MAPK8IP3: variants seen among roughly 807,000 people sequenced by gnomAD.
MAPK8IP3 encodes C-Jun-amino-terminal kinase-interacting protein 3.
In MAPK8IP3, 49 loss-of-function variants were observed where a neutral mutation model predicts 157.8. That is an observed-to-expected ratio of 0.31 (90% CI 0.25 to 0.39). MAPK8IP3 has a LOEUF of 0.39. Ranked by LOEUF, MAPK8IP3 falls within the 10% of genes least tolerant of loss-of-function variation. The pLI, the probability that MAPK8IP3 is intolerant of heterozygous loss-of-function variation, is 1.00. For missense variants in MAPK8IP3, 1,478 were observed against 1,889.4 expected, an observed-to-expected ratio of 0.78 and a Z score of 4.04; for synonymous variants, 897 against 777.7, an observed-to-expected ratio of 1.15 and a Z score of -2.55.
chr16:1,729,616 C>G (rs976796945), intron 4 of MAPK8IP3, 38 bp downstream of exon 4: 1 of 1,539,806 alleles, frequency 6.5e-7, no homozygotes, highest in African/African-American at 1.4e-5. Flanking sequence ...ACGCGGGGCG[C>G]GGCGGGGCGG....
intron 19 of MAPK8IP3, 113 bp downstream of exon 19, chr16:1,764,572 A>C (rs2042147441): frequency 7.4e-7 from 1 of 1,358,092 alleles, no homozygotes; most frequent in East Asian, 2.5e-5. Context: ...ACCCGGAAGC[A>C]GGGCAGCGCA....
chr16:1,731,798 T>C (rs1414533435), intron 4 of MAPK8IP3, among the ~76,000 whole-genome samples: 36 of 152,204 alleles, frequency 2.4e-4, no homozygotes, highest in Admixed American at 2.4e-3. Flanking sequence ...CGTACCTGCA[T>C]GTGTACATAT....
chr16:1,768,834 C>T lies in MAPK8IP3; in HGVS notation c.*10C>T. On this transcript the variant is annotated 3_prime_UTR_variant, in exon 32 of 32. Coordinates refer to ENST00000610761, the MANE Select transcript of MAPK8IP3 (RefSeq NM_001318852.2). ...CTACACCCCCGAGTGAAGCTGCTGC[C>T]CTGCCTGGCCCGACCTGTACATAGG... 2.5e-6 allele frequency: 4 copies of T among 1,611,376 alleles called. No homozygotes were observed. The highest frequency in any genetic ancestry group is 3.4e-6 in the Non-Finnish European group (4 of 1,179,622).
intron 5 of MAPK8IP3, chr16:1,745,166 C>G: frequency 1.0e-6 from 1 of 985,360 alleles, no homozygotes; most frequent in Non-Finnish European, 1.2e-6. Context: ...TGACGGAGAG[C>G]TAGGGGAGGC....
At chr16:1,738,405 C>A in intron 4 of MAPK8IP3, among the ~76,000 whole-genome samples, 1 of 85,210 alleles carries the variant, frequency 1.2e-5, no homozygotes, top group African/African-American at 5.3e-5. Context: ...ACCGTGTGAG[C>A]GTCCGTGTGA....
At chr16:1,758,931 T>A (rs757834384) in intron 9 of MAPK8IP3, 47 bp from the exon 10 acceptor site, 10 of 1,610,350 alleles carry the variant, frequency 6.2e-6, no homozygotes, top group Non-Finnish European at 8.5e-6. Flanking sequence ...CTCCCTCTCC[T>A]CCCGCCCTGG....
intron 1 of MAPK8IP3, among the ~76,000 whole-genome samples, chr16:1,719,544 C>G (rs2038376362): frequency 1.3e-5 from 2 of 151,396 alleles, no homozygotes; most frequent in Non-Finnish European, 2.9e-5. Flanking sequence ...CAGAAACAGA[C>G]TAAAATGTAG....
chr16:1,740,431 C>T (rs953372024), intron 4 of MAPK8IP3, among the ~76,000 whole-genome samples: 10 of 148,324 alleles, frequency 6.7e-5, no homozygotes, highest in Non-Finnish European at 1.5e-4. Flanking sequence ...GCTGCCCACA[C>T]CCTCTAACAC....
intron 8 of MAPK8IP3, chr16:1,752,455 C>A: frequency 2.8e-6 from 1 of 351,954 alleles, no homozygotes; most frequent in South Asian, 2.1e-5. Context: ...ATAAGAAAGG[C>A]AGGGAGGCCA....
rs773267780 is a variant in MAPK8IP3 at position 1,768,147 on chromosome 16, C to T, written c.3562+40C>T. On this transcript the variant is annotated intron_variant, in intron 29 of 31. Transcript: ENST00000610761. ...CTCGTGTCCCCTCACGGGAGCCTCT[C>T]CCACTCTCCACCTGTATGCGGGCTC... is the stretch of plus-strand genomic sequence containing the variant. The T allele has an allele frequency of 4.3e-6, 7 of 1,612,158 alleles. No homozygotes were observed. The South Asian group carries it at 5.5e-5, about 13-fold the overall frequency.
intron 4 of MAPK8IP3, among the ~76,000 whole-genome samples, chr16:1,732,428 GAT>G (rs2039374416): frequency 6.6e-6 from 1 of 152,238 alleles, no homozygotes; most frequent in South Asian, 2.1e-4. Context: ...CGTTCTGGAT[GAT>G]ACAGAAGAAG....
At chr16:1,709,081 A>G (rs1252149142) in intron 1 of MAPK8IP3, among the ~76,000 whole-genome samples, 2 of 152,230 alleles carry the variant, frequency 1.3e-5, no homozygotes, top group African/African-American at 4.8e-5. Context: ...ACTCTGCTCA[A>G]GAAGGCTTAG....
intron 18 of MAPK8IP3, 29 bp from the exon 19 acceptor site, chr16:1,764,272 G>T (rs774982891): frequency 1.3e-6 from 2 of 1,590,108 alleles, no homozygotes; most frequent in Non-Finnish European, 1.7e-6. Context: ...GAGTGCCGGT[G>T]ACACCCGACC....
intron 8 of MAPK8IP3, chr16:1,752,099 G>GACT (rs2041323683): frequency 6.6e-6 from 1 of 152,636 alleles, no homozygotes; most frequent in African/African-American, 2.4e-5. Flanking sequence ...CATCCTGTTG[G>GACT]CTGTGGTACC....
intron 13 of MAPK8IP3, among the ~76,000 whole-genome samples, chr16:1,762,024 C>T (rs2041984726): frequency 6.6e-6 from 1 of 152,172 alleles, no homozygotes; most frequent in African/African-American, 2.4e-5. Context: ...GGGCTGACAG[C>T]TCTCCCACCC....
intron 1 of MAPK8IP3, among the ~76,000 whole-genome samples, chr16:1,715,492 C>G (rs1206898021): frequency 6.6e-6 from 1 of 152,214 alleles, no homozygotes; most frequent in Non-Finnish European, 1.5e-5. Flanking sequence ...TGAAGGGCAT[C>G]TGCCAGGCAC....
chr16:1,735,919 C>CGT (rs200389759), intron 4 of MAPK8IP3, among the ~76,000 whole-genome samples: 4 of 104,572 alleles, frequency 3.8e-5, no homozygotes, highest in South Asian at 3.7e-4. Flanking sequence ...TGTGACCATC[C>CGT]GTGAGCATCC....
intron 4 of MAPK8IP3, among the ~76,000 whole-genome samples, chr16:1,737,215 AGT>A (rs199825415): frequency 6.7e-5 from 5 of 74,448 alleles, no homozygotes; most frequent in African/African-American, 1.1e-4. Flanking sequence ...CATCCGTGAG[AGT>A]GTGACCATCC....
intron 1 of MAPK8IP3, among the ~76,000 whole-genome samples, chr16:1,722,783 C>G (rs2038614734): frequency 6.6e-6 from 1 of 151,976 alleles, no homozygotes; most frequent in Admixed American, 6.6e-5. Context: ...TGGCTCACTA[C>G]AAGCTCTGCC....
Sources: gnomAD v4.1 joint callset for allele counts (sites outside exome capture counted in the v4.1 genomes callset) on GRCh38, gnomAD v4.1.1 for gene constraint, MANE v1.5 for transcripts, NCBI Gene and HGNC (gene_info 2026-07-23, HGNC 2026-07-21) for gene names.